The following CNTN5 variants were observed in gnomAD, a reference collection of about 807,000 sequenced individuals.
The protein encoded by CNTN5 is contactin-5.
CNTN5 carries 77 observed loss-of-function variants against 129.1 expected under a neutral mutation model. The ratio of observed to expected loss-of-function variants is 0.60; its 90% CI spans 0.50 to 0.72. CNTN5 has a LOEUF of 0.72. CNTN5 is among the 30% of genes least tolerant of loss of function. The pLI is 0.00. For missense variants in CNTN5, 1,478 were observed against 1,328.8 expected (o/e 1.11, Z -1.75); for synonymous variants, 509 against 465.6 (o/e 1.09, Z -1.20).
intron 3 of CNTN5, among the ~76,000 whole-genome samples, chr11:99,612,323 T>A (rs1056844922): frequency 2.0e-5 from 3 of 152,224 alleles, no homozygotes; most frequent in African/African-American, 7.2e-5. Flanking sequence ...CAGATGCACC[T>A]GCTTGAAAGG....
intron 3 of CNTN5, among the ~76,000 whole-genome samples, chr11:99,615,415 T>C (rs1950728966): frequency 1.3e-5 from 2 of 152,174 alleles, no homozygotes; most frequent in Non-Finnish European, 2.9e-5. Context: ...AGAAGAATTT[T>C]TATTGAAAAT....
At chr11:99,566,419 A>G (rs1949007737) in intron 3 of CNTN5, among the ~76,000 whole-genome samples, 2 of 152,206 alleles carry the variant, frequency 1.3e-5, no homozygotes, top group South Asian at 4.1e-4. Flanking sequence ...ATAGACACGT[A>G]AGAACGAACT....
At chr11:99,996,115 A>T (rs1172448035) in intron 8 of CNTN5, among the ~76,000 whole-genome samples, 1 of 152,148 alleles carries the variant, frequency 6.6e-6, no homozygotes, top group Non-Finnish European at 1.5e-5. Flanking sequence ...GCTGCAAATT[A>T]TAGTGTTATT....
At chr11:99,893,342 G>A (rs1039117438) in intron 6 of CNTN5, among the ~76,000 whole-genome samples, 3 of 152,024 alleles carry the variant, frequency 2.0e-5, no homozygotes, top group African/African-American at 7.2e-5. Context: ...ATTATTTTGA[G>A]CAAATAATAG....
At chr11:99,704,415 C>T (rs900419997) in intron 3 of CNTN5, among the ~76,000 whole-genome samples, 2 of 150,980 alleles carry the variant, frequency 1.3e-5, no homozygotes, top group African/African-American at 4.8e-5. Flanking sequence ...GTTGTGCACT[C>T]TACAACTCAG....
At chr11:100,032,767 T>C (rs965195720) in intron 9 of CNTN5, among the ~76,000 whole-genome samples, 2 of 151,358 alleles carry the variant, frequency 1.3e-5, no homozygotes, top group Non-Finnish European at 2.9e-5. Flanking sequence ...TTTTGTAATG[T>C]TATTCCTACA....
At chr11:99,312,401 T>C (rs920459734) in intron 1 of CNTN5, among the ~76,000 whole-genome samples, 8 of 152,166 alleles carry the variant, frequency 5.3e-5, no homozygotes, top group African/African-American at 1.9e-4. Flanking sequence ...GTTAAAAAAA[T>C]AATGCTGACT....
At chr11:99,206,098 G>T (rs2135649287) in intron 1 of CNTN5, among the ~76,000 whole-genome samples, 1 of 152,078 alleles carries the variant, frequency 6.6e-6, no homozygotes, top group East Asian at 1.9e-4. Context: ...AGCCACCTTT[G>T]GTTTTCTCGA....
intron 1 of CNTN5, among the ~76,000 whole-genome samples, chr11:99,249,175 C>A (rs1861973350): frequency 1.3e-5 from 2 of 152,050 alleles, no homozygotes; most frequent in Non-Finnish European, 2.9e-5. Flanking sequence ...TTGAAGAGGT[C>A]TTTCATGTCC....
intron 1 of CNTN5, among the ~76,000 whole-genome samples, chr11:99,034,068 T>C (rs1393891502): frequency 1.3e-5 from 2 of 152,162 alleles, no homozygotes; most frequent in African/African-American, 2.4e-5. Context: ...TGCTGGATTA[T>C]ATTTATTGAT....
chr11:99,970,963 C>T (rs1470861436), intron 8 of CNTN5, among the ~76,000 whole-genome samples: 2 of 152,174 alleles, frequency 1.3e-5, no homozygotes, highest in Non-Finnish European at 2.9e-5. Context: ...ACTCCTAGCT[C>T]TGTCTCCAAG....
intron 21 of CNTN5, among the ~76,000 whole-genome samples, chr11:100,322,519 G>A (rs1163126243): frequency 6.6e-6 from 1 of 152,202 alleles, no homozygotes; most frequent in Non-Finnish European, 1.5e-5. Flanking sequence ...ACTGCGCCCG[G>A]CCTCGTAATG....
intron 13 of CNTN5, among the ~76,000 whole-genome samples, chr11:100,165,194 C>G (rs1382833235): frequency 2.6e-5 from 4 of 151,676 alleles, no homozygotes; most frequent in African/African-American, 7.3e-5. Context: ...TTCTCATCTA[C>G]TACAAATGAA....
chr11:99,030,856 C>A (rs1419061393), intron 1 of CNTN5, among the ~76,000 whole-genome samples: 1 of 148,854 alleles, frequency 6.7e-6, no homozygotes, highest in Non-Finnish European at 1.5e-5. Context: ...TCTCGGTTCA[C>A]TGCAACCTCC....
At chr11:99,299,001 G>A (rs943503408) in intron 1 of CNTN5, among the ~76,000 whole-genome samples, 3 of 152,112 alleles carry the variant, frequency 2.0e-5, no homozygotes, top group Non-Finnish European at 4.4e-5. Flanking sequence ...ACCAAAATCA[G>A]CCAGAAGCCC....
At chr11:99,907,236 C>T (rs76818579) in intron 6 of CNTN5, among the ~76,000 whole-genome samples, 131 of 152,116 alleles carry the variant, frequency 8.6e-4, no homozygotes, top group African/African-American at 3.2e-3. Flanking sequence ...TTAGATCTTT[C>T]CAGCTTTCTC....
chr11:99,534,018 A>T (rs1947810693), intron 2 of CNTN5, among the ~76,000 whole-genome samples: 2 of 152,146 alleles, frequency 1.3e-5, no homozygotes, highest in African/African-American at 2.4e-5. Context: ...TTCTGTTAAA[A>T]CCCATCAAAT....
chr11:100,263,810 T>C (rs1950249960), intron 17 of CNTN5, among the ~76,000 whole-genome samples: 1 of 152,180 alleles, frequency 6.6e-6, no homozygotes. Flanking sequence ...TGTGCACTCA[T>C]CTAATTCATC....
At chr11:99,684,026 A>G (rs1462789173) in intron 3 of CNTN5, among the ~76,000 whole-genome samples, 1 of 151,784 alleles carries the variant, frequency 6.6e-6, no homozygotes, top group Non-Finnish European at 1.5e-5. Flanking sequence ...ATCATGAGGT[A>G]TAATACATAT....
Sources: allele counts gnomAD v4.1 joint callset (sites outside exome capture counted in the v4.1 genomes callset), GRCh38; gene constraint gnomAD v4.1.1; transcripts MANE v1.5; gene names NCBI Gene and HGNC (gene_info 2026-07-23, HGNC 2026-07-21).